Variants in IQGAP2 observed in about 807,000 individuals in gnomAD.
IQGAP2 encodes the protein ras GTPase-activating-like protein IQGAP2.
In IQGAP2, 173 loss-of-function variants were observed where a neutral mutation model predicts 201.3. The observed-to-expected ratio is 0.86, with a 90% CI of 0.76 to 0.98. The LOEUF (loss-of-function observed/expected upper bound fraction) is 0.98, where lower values mean the gene tolerates loss of function less well. Among genes scored for constraint, IQGAP2 ranks in the 50% least tolerant of loss-of-function variants. IQGAP2 has a pLI of 0.00. For missense variants in IQGAP2, 1,687 were observed against 1,864.8 expected, an observed-to-expected ratio of 0.90 and a Z score of 1.76; for synonymous variants, 675 against 673.9, an observed-to-expected ratio of 1.00 and a Z score of -0.03.
intron 2 of IQGAP2, among the ~76,000 whole-genome samples, chr5:76,494,457 G>T (rs2150158951): frequency 6.6e-6 from 1 of 152,234 alleles, no homozygotes; most frequent in South Asian, 2.1e-4. Context: ...CCTAACAACA[G>T]TGACAAGTTC....
At chr5:76,451,302 G>A (rs1437392045) in intron 1 of IQGAP2, among the ~76,000 whole-genome samples, 2 of 152,012 alleles carry the variant, frequency 1.3e-5, no homozygotes, top group East Asian at 3.9e-4. Context: ...TGCCAGTCCT[G>A]CCTATGAAAA....
At chr5:76,598,030 C>T (rs1747164131) in intron 10 of IQGAP2, among the ~76,000 whole-genome samples, 1 of 152,110 alleles carries the variant, frequency 6.6e-6, no homozygotes, top group Admixed American at 6.5e-5. Context: ...TGAACTTGTG[C>T]ACCTTAATAT....
In IQGAP2 at chr5:76,417,903, C is replaced by T. The variant is rs529492586; in HGVS notation, c.46+14312C>T. ...GGCTGATATGTGCTTTTTTTTGAAA[C>T]GGTGTTTGAAATGAGATTTTCCTGG... On this transcript the variant is annotated intron_variant, in intron 1 of 35. Transcript: ENST00000274364. Among the ~76,000 whole-genome samples, 11 of 150,590 alleles carry T rather than the reference C, an allele frequency of 7.3e-5. No homozygotes were observed. The East Asian group carries it at 2.0e-3, about 27-fold the overall frequency.
chr5:76,695,336 T>A, intron 31 of IQGAP2, 118 bp from the exon 32 acceptor site: 2 of 764,266 alleles, frequency 2.6e-6, no homozygotes, highest in Non-Finnish European at 4.4e-6. Flanking sequence ...CTGGTTCTAG[T>A]CTCTGAACTT....
intron 2 of IQGAP2, among the ~76,000 whole-genome samples, chr5:76,512,137 T>C (rs1030328981): frequency 1.1e-4 from 16 of 152,232 alleles, no homozygotes; most frequent in Non-Finnish European, 1.9e-4. Context: ...GAGATAGGGG[T>C]GTGTCAGAGT....
intron 2 of IQGAP2, among the ~76,000 whole-genome samples, chr5:76,514,070 G>C (rs998893738): frequency 5.7e-5 from 8 of 139,204 alleles, no homozygotes; most frequent in Non-Finnish European, 1.1e-4. Context: ...ACCCAGGGTG[G>C]AGTGCAGTGG....
At chr5:76,447,099 C>T (rs1398218089) in intron 1 of IQGAP2, among the ~76,000 whole-genome samples, 2 of 151,948 alleles carry the variant, frequency 1.3e-5, no homozygotes, top group Non-Finnish European at 2.9e-5. Flanking sequence ...AGTTAAGAGC[C>T]GTTGTCGGCC....
intron 2 of IQGAP2, among the ~76,000 whole-genome samples, chr5:76,500,214 A>G (rs2095307713): frequency 6.6e-6 from 1 of 152,236 alleles, no homozygotes; most frequent in African/African-American, 2.4e-5. Context: ...ACTTCCTGAA[A>G]GAATAGACAT....
At chr5:76,562,975 T>C (rs781027136) in intron 3 of IQGAP2, among the ~76,000 whole-genome samples, 1 of 152,236 alleles carries the variant, frequency 6.6e-6, no homozygotes, top group Non-Finnish European at 1.5e-5. Flanking sequence ...TAAAGCAAGA[T>C]ACGACTAACC....
At position 76,581,743 on chromosome 5, in the gene IQGAP2, G is replaced by T. The variant is rs369459354; in HGVS notation, c.458+5974G>T. Among the ~76,000 whole-genome samples the T allele has an allele frequency of 7.2e-5, 11 of 152,224 alleles. No individual in the cohort carries two copies. In the East Asian group the frequency reaches 1.7e-3, roughly 24 times the overall value. On this transcript the variant is annotated intron_variant, in intron 5 of 35. Coordinates refer to ENST00000274364, the MANE Select transcript of IQGAP2 (RefSeq NM_006633.5). ...GATAAGGCTACCTCAGGATTCCTTT[G>T]GTTTGGGGCTGAAAATTAGGTATAG...
At chr5:76,416,683 A>T (rs1346252315) in intron 1 of IQGAP2, among the ~76,000 whole-genome samples, 1 of 152,128 alleles carries the variant, frequency 6.6e-6, no homozygotes, top group Non-Finnish European at 1.5e-5. Context: ...GCATGCCACC[A>T]CGCGTGGCTA....
At chr5:76,416,481 T>C (rs1224086125) in intron 1 of IQGAP2, among the ~76,000 whole-genome samples, 2 of 151,958 alleles carry the variant, frequency 1.3e-5, no homozygotes, top group Non-Finnish European at 2.9e-5. Context: ...ATCTGAGGAC[T>C]TAGACTGAGG....
intron 1 of IQGAP2, among the ~76,000 whole-genome samples, chr5:76,446,636 T>C (rs567317972): frequency 9.2e-4 from 140 of 152,290 alleles, no homozygotes; most frequent in African/African-American, 3.1e-3. Flanking sequence ...ACTCTACTTT[T>C]AAGGAGAAAG....
intron 1 of IQGAP2, among the ~76,000 whole-genome samples, chr5:76,431,595 C>T (rs1279516981): frequency 1.3e-5 from 2 of 152,008 alleles, no homozygotes; most frequent in African/African-American, 2.4e-5. Context: ...GAGGCCAAGC[C>T]GGGCGGATCA....
At chr5:76,546,306 T>G (rs1047206471) in intron 2 of IQGAP2, among the ~76,000 whole-genome samples, 1 of 152,106 alleles carries the variant, frequency 6.6e-6, no homozygotes, top group African/African-American at 2.4e-5. Flanking sequence ...TGTGGTGGCG[T>G]GTGCCTGTAA....
chr5:76,643,786 A>C (rs1199537173), intron 17 of IQGAP2, among the ~76,000 whole-genome samples: 1 of 152,150 alleles, frequency 6.6e-6, no homozygotes, highest in Non-Finnish European at 1.5e-5. Context: ...CCTGGTGAAG[A>C]AAAACAAGCT....
chr5:76,571,879 A>G (rs1361853959), intron 4 of IQGAP2, among the ~76,000 whole-genome samples: 5 of 152,094 alleles, frequency 3.3e-5, no homozygotes, highest in African/African-American at 1.2e-4. Context: ...TCACCATTTC[A>G]TATGCATTTA....
In IQGAP2 at chr5:76,637,486, G is replaced by T. The variant is rs576105149; in HGVS notation, c.1923+310G>T. Among the ~76,000 whole-genome samples, 226 of 152,278 alleles carry T rather than the reference G, an allele frequency of 1.5e-3. 1 individual carries two copies. Among genetic ancestry groups the T allele is most frequent in the South Asian group, 3.7e-3 (18 of 4,822 alleles). On this transcript the variant is annotated intron_variant, in intron 16 of 35. Transcript: ENST00000274364. Reference sequence around the variant, plus strand: ...CTTGACTTAATTAAGCTCAATTAATGATAATTCCTGGGTTGTCAATATTTA... The same window carrying T: ...CTTGACTTAATTAAGCTCAATTAATTATAATTCCTGGGTTGTCAATATTTA...
chr5:76,437,995 A>T (rs1274696619), intron 1 of IQGAP2, among the ~76,000 whole-genome samples: 1 of 113,532 alleles, frequency 8.8e-6, no homozygotes, highest in African/African-American at 3.4e-5. Flanking sequence ...TTCATCAGGT[A>T]TATTGGTCTG....
Sources: allele counts gnomAD v4.1 joint callset (sites outside exome capture counted in the v4.1 genomes callset), GRCh38; gene constraint gnomAD v4.1.1; transcripts MANE v1.5; gene names NCBI Gene and HGNC (gene_info 2026-07-23, HGNC 2026-07-21).